The following KCNN2 variants were observed in gnomAD, a reference collection of about 807,000 sequenced individuals.
KCNN2 encodes the protein potassium calcium-activated channel subfamily N member 2.
Under a neutral mutation model 55.5 loss-of-function variants are expected in KCNN2, and 24 were observed. The ratio of observed to expected loss-of-function variants is 0.43; its 90% CI spans 0.31 to 0.61. The LOEUF is 0.61. Ranked by LOEUF, KCNN2 falls within the 20% of genes least tolerant of loss-of-function variation. KCNN2 has a pLI of 0.08. For missense variants in KCNN2, 754 were observed against 853.6 expected (o/e 0.88, Z 1.45); for synonymous variants, 431 against 336.1 (o/e 1.28, Z -3.09).
chr5:114,458,363 T>G (rs1761023574), intron 3 of KCNN2, among the ~76,000 whole-genome samples: 1 of 152,212 alleles, frequency 6.6e-6, no homozygotes, highest in Non-Finnish European at 1.5e-5. Context: ...TAAAAATACC[T>G]TCTAAGTTGC....
chr5:114,153,564 C>T (rs548552274), intron 1 of KCNN2, among the ~76,000 whole-genome samples: 1 of 152,298 alleles, frequency 6.6e-6, no homozygotes, highest in East Asian at 1.9e-4. Flanking sequence ...GTTTCCCAAA[C>T]CCTAATGTCC....
rs547797848 is a variant in KCNN2, at chr5:114,077,294, C to T, written c.-271+20794C>T. On this transcript the variant is annotated intron_variant, in intron 1 of 10. Transcript: ENST00000512097. ...GTGGGGGTCTGCATTAGCTCACATACTGCATAGGGAGCACACTAGGGGGAA... is the reference window on the plus strand; with the variant it reads ...GTGGGGGTCTGCATTAGCTCACATATTGCATAGGGAGCACACTAGGGGGAA... Among the ~76,000 whole-genome samples, 36 of 152,334 alleles carry T rather than the reference C, an allele frequency of 2.4e-4. 2 individuals carry two copies. In the South Asian group the frequency reaches 7.5e-3, roughly 32 times the overall value.
intron 2 of KCNN2, 24 bp downstream of exon 2, chr5:114,364,025 G>C (rs1187541668): frequency 2.6e-6 from 4 of 1,553,478 alleles, no homozygotes; most frequent in South Asian, 2.2e-5. Context: ...TGCTGTTTAT[G>C]AATGACCCAA....
At chr5:114,083,731 GT>G (rs1368347041) in intron 1 of KCNN2, among the ~76,000 whole-genome samples, 1 of 152,018 alleles carries the variant, frequency 6.6e-6, no homozygotes, top group Non-Finnish European at 1.5e-5. Flanking sequence ...TGCACTCTGT[GT>G]TGTACAGTTC....
intron 1 of KCNN2, among the ~76,000 whole-genome samples, chr5:114,065,086 C>G (rs1750417788): frequency 6.6e-6 from 1 of 152,170 alleles, no homozygotes; most frequent in Non-Finnish European, 1.5e-5. Context: ...CTATGTCACA[C>G]TACAAGTGAG....
chr5:114,236,025 A>T (rs1754484089), intron 2 of KCNN2, among the ~76,000 whole-genome samples: 1 of 152,204 alleles, frequency 6.6e-6, no homozygotes, highest in Non-Finnish European at 1.5e-5. Context: ...TTCTGGTTCC[A>T]TTTTATCTTC....
intron 1 of KCNN2, among the ~76,000 whole-genome samples, chr5:114,200,893 C>T (rs1379110056): frequency 6.6e-6 from 1 of 152,060 alleles, no homozygotes; most frequent in East Asian, 1.9e-4. Flanking sequence ...AGTCTTTGGG[C>T]TCCAGTGGTG....
intron 2 of KCNN2, among the ~76,000 whole-genome samples, chr5:114,325,064 G>C (rs1185624175): frequency 6.6e-6 from 1 of 152,156 alleles, no homozygotes; most frequent in Non-Finnish European, 1.5e-5. Flanking sequence ...TATAGTGTCA[G>C]AAAACTAAGC....
At chr5:114,089,168 T>G (rs1037472212) in intron 1 of KCNN2, among the ~76,000 whole-genome samples, 1 of 152,210 alleles carries the variant, frequency 6.6e-6, no homozygotes, top group African/African-American at 2.4e-5. Flanking sequence ...ATAAATGGTG[T>G]GCTACCAAGT....
intron 2 of KCNN2, among the ~76,000 whole-genome samples, chr5:114,320,753 C>T (rs1756600235): frequency 1.3e-5 from 2 of 152,176 alleles, no homozygotes; most frequent in African/African-American, 4.8e-5. Context: ...ATCTTCTTCT[C>T]CATTCATTCC....
At chr5:114,417,101 C>T (rs866182090) in intron 3 of KCNN2, among the ~76,000 whole-genome samples, 5 of 152,278 alleles carry the variant, frequency 3.3e-5, no homozygotes, top group South Asian at 2.1e-4. Flanking sequence ...GGGCATCTTA[C>T]GAAATGAAAC....
At chr5:114,321,658 T>G (rs565724973) in intron 2 of KCNN2, among the ~76,000 whole-genome samples, 64 of 152,100 alleles carry the variant, frequency 4.2e-4, no homozygotes, top group African/African-American at 1.4e-3. Flanking sequence ...TTTGTTTTTT[T>G]TTTTTGTTGT....
chr5:114,257,890 G>A (rs1192553686), intron 2 of KCNN2, among the ~76,000 whole-genome samples: 1 of 152,184 alleles, frequency 6.6e-6, no homozygotes, highest in Non-Finnish European at 1.5e-5. Context: ...TTGAATAGGA[G>A]TGGTGAGTGT....
chr5:114,160,345 T>G (rs1752743318), intron 1 of KCNN2, among the ~76,000 whole-genome samples: 4 of 152,192 alleles, frequency 2.6e-5, no homozygotes, highest in African/African-American at 9.6e-5. Context: ...GAGTTCTAGT[T>G]TGATTGCACT....
At chr5:114,242,377 A>G (rs760347505) in intron 2 of KCNN2, among the ~76,000 whole-genome samples, 1 of 152,208 alleles carries the variant, frequency 6.6e-6, no homozygotes, top group Admixed American at 6.5e-5. Flanking sequence ...ATAATAGACA[A>G]TGAGTTTGCA....
intron 2 of KCNN2, among the ~76,000 whole-genome samples, chr5:114,342,502 A>G (rs1313258594): frequency 6.6e-6 from 1 of 152,188 alleles, no homozygotes; most frequent in Non-Finnish European, 1.5e-5. Context: ...GATTCCCTCC[A>G]GAAAGATTTC....
intron 1 of KCNN2, among the ~76,000 whole-genome samples, chr5:114,172,636 A>G (rs1753061771): frequency 6.7e-6 from 1 of 148,394 alleles, no homozygotes; most frequent in East Asian, 1.9e-4. Flanking sequence ...TATCCCATAT[A>G]TTATAATATA....
chr5:114,199,303 A>G (rs531171171), intron 1 of KCNN2, among the ~76,000 whole-genome samples: 11 of 152,002 alleles, frequency 7.2e-5, no homozygotes, highest in Non-Finnish European at 1.6e-4. Context: ...CTTTCCATCT[A>G]TATGTGTCTT....
intron 3 of KCNN2, among the ~76,000 whole-genome samples, chr5:114,421,192 T>C (rs1462981456): frequency 5.3e-5 from 8 of 150,950 alleles, no homozygotes; most frequent in Admixed American, 1.3e-4. Context: ...TCCTGACATA[T>C]GGTTTTTAGT....
Sources: gnomAD v4.1 joint callset for allele counts (sites outside exome capture counted in the v4.1 genomes callset) on GRCh38, gnomAD v4.1.1 for gene constraint, MANE v1.5 for transcripts, NCBI Gene and HGNC (gene_info 2026-07-23, HGNC 2026-07-21) for gene names.